Variants in PALM2AKAP2 observed in about 807,000 individuals in gnomAD.
The protein encoded by PALM2AKAP2 is PALM2-AKAP2 fusion protein.
A neutral mutation model predicts 71.5 loss-of-function variants in PALM2AKAP2; 37 were observed. The ratio of observed to expected loss-of-function variants is 0.52; its 90% CI spans 0.40 to 0.68. PALM2AKAP2 has a LOEUF of 0.68. Ranked by LOEUF, PALM2AKAP2 falls within the 30% of genes least tolerant of loss-of-function variation. The probability of loss-of-function intolerance (pLI) is 0.00; values close to 1 mark genes in which losing one functional copy is unlikely to be tolerated. For missense variants in PALM2AKAP2, 1,224 were observed against 1,191.8 expected, an observed-to-expected ratio of 1.03 and a Z score of -0.40; for synonymous variants, 468 against 478.8, an observed-to-expected ratio of 0.98 and a Z score of 0.29.
intron 1 of PALM2AKAP2, among the ~76,000 whole-genome samples, chr9:109,804,596 T>C (rs1410037705): frequency 6.6e-6 from 1 of 152,202 alleles, no homozygotes; most frequent in Non-Finnish European, 1.5e-5. Context: ...TTCCTGCTAG[T>C]CTTCTATTAC....
chr9:109,745,599 T>C (rs1334414534), intron 1 of PALM2AKAP2, among the ~76,000 whole-genome samples: 1 of 152,098 alleles, frequency 6.6e-6, no homozygotes, highest in Non-Finnish European at 1.5e-5. Flanking sequence ...TTATTCAAAA[T>C]GTTATTCAGT....
At chr9:109,724,892 G>A (rs1275496266) in intron 1 of PALM2AKAP2, among the ~76,000 whole-genome samples, 2 of 152,006 alleles carry the variant, frequency 1.3e-5, no homozygotes, top group Non-Finnish European at 2.9e-5. Flanking sequence ...AAATATTTAA[G>A]GCATTGATCC....
chr9:110,165,823 T>A (rs1447116352), intron 3 of PALM2AKAP2, among the ~76,000 whole-genome samples: 1 of 152,196 alleles, frequency 6.6e-6, no homozygotes, highest in African/African-American at 2.4e-5. Context: ...AACTAATAAA[T>A]ATGTGTAAAT....
chr9:109,732,628 A>G (rs1828573647), intron 1 of PALM2AKAP2, among the ~76,000 whole-genome samples: 1 of 152,230 alleles, frequency 6.6e-6, no homozygotes, highest in Non-Finnish European at 1.5e-5. Flanking sequence ...AAAGACCCTG[A>G]TGATACGGTG....
At chr9:109,863,940 C>T (rs915943072) in intron 1 of PALM2AKAP2, among the ~76,000 whole-genome samples, 4 of 151,984 alleles carry the variant, frequency 2.6e-5, no homozygotes, top group African/African-American at 4.8e-5. Context: ...ATTAGCCAAG[C>T]GTGGTGACAC....
intron 1 of PALM2AKAP2, among the ~76,000 whole-genome samples, chr9:109,773,735 G>A (rs1434218276): frequency 6.6e-6 from 1 of 152,196 alleles, no homozygotes; most frequent in Non-Finnish European, 1.5e-5. Context: ...TAGGACCTAG[G>A]ATTGATACTT....
intron 1 of PALM2AKAP2, among the ~76,000 whole-genome samples, chr9:109,796,155 C>T (rs1217365598): frequency 1.3e-5 from 2 of 152,088 alleles, no homozygotes; most frequent in African/African-American, 4.8e-5. Flanking sequence ...CTATGGGTCG[C>T]TTTTCAGAAT....
intron 1 of PALM2AKAP2, 128 bp from the exon 8 acceptor site, chr9:110,135,999 T>C (rs1426838290): frequency 8.4e-7 from 1 of 1,189,924 alleles, no homozygotes; most frequent in East Asian, 2.5e-5. Context: ...TTAGAAAATA[T>C]CTATTCAAAA....
intron 1 of PALM2AKAP2, among the ~76,000 whole-genome samples, chr9:109,834,874 G>C (rs76088016): frequency 6.6e-6 from 1 of 152,146 alleles, no homozygotes; most frequent in East Asian, 1.9e-4. Context: ...GCAGCATCCA[G>C]CTTCTCACCC....
chr9:110,114,348 C>T (rs563650834), intron 1 of PALM2AKAP2, among the ~76,000 whole-genome samples: 1 of 152,302 alleles, frequency 6.6e-6, no homozygotes, highest in South Asian at 2.1e-4. Flanking sequence ...ACACCAGTCA[C>T]TGGATTTGGG....
chr9:109,745,169 C>T (rs1040007083), intron 1 of PALM2AKAP2, among the ~76,000 whole-genome samples: 4 of 152,082 alleles, frequency 2.6e-5, no homozygotes, highest in Admixed American at 6.6e-5. Flanking sequence ...CCATGACCAG[C>T]GATAGGTATG....
intron 1 of PALM2AKAP2, among the ~76,000 whole-genome samples, chr9:110,109,905 A>G (rs1490773573): frequency 6.6e-6 from 1 of 152,210 alleles, no homozygotes; most frequent in African/African-American, 2.4e-5. Context: ...TCCAAAGGAA[A>G]TGAGATCAGT....
chr9:110,138,170 C>T (rs1835939631), exon 2 of PALM2AKAP2: 1 of 1,613,986 alleles, frequency 6.2e-7, no homozygotes, highest in South Asian at 1.1e-5. Flanking sequence ...AAAGATTCTG[C>T]CTGCTGAAGA....
intron 1 of PALM2AKAP2, among the ~76,000 whole-genome samples, chr9:109,793,588 C>A (rs1827173702): frequency 6.6e-6 from 1 of 152,098 alleles, no homozygotes; most frequent in Non-Finnish European, 1.5e-5. Context: ...TTCAGAATCA[C>A]AAGGAGGCAA....
At chr9:109,670,864 T>A (rs1236128157) in intron 1 of PALM2AKAP2, among the ~76,000 whole-genome samples, 2 of 152,224 alleles carry the variant, frequency 1.3e-5, no homozygotes, top group African/African-American at 2.4e-5. Context: ...ACTTCTCTAA[T>A]AATCAGTGAT....
rs1215557407 is a variant in PALM2AKAP2 at position 110,014,770 on chromosome 9, CCT to C, written c.497-1181_497-1180del. Among the ~76,000 whole-genome samples, 6 of 96,136 alleles carry C rather than the reference CCT, an allele frequency of 6.2e-5. No individual in the cohort carries two copies. The East Asian group carries it at 1.6e-3, about 26-fold the overall frequency. 63.1% of individuals were successfully genotyped at this position (96,136 alleles called of 152,430 possible). On this transcript the variant is annotated intron_variant, in intron 6 of 9. Coordinates refer to the PALM2AKAP2 transcript ENST00000302798. ...CCTGGGCGACAGAGCGAGACTCTGT[CCT>C]CTGTCTCAAAAAAAAAAAAAAAAAA... is the stretch of plus-strand genomic sequence containing the variant.
At chr9:109,803,375 T>A (rs1212064132) in intron 1 of PALM2AKAP2, among the ~76,000 whole-genome samples, 1 of 152,202 alleles carries the variant, frequency 6.6e-6, no homozygotes, top group Admixed American at 6.5e-5. Context: ...CAAAATGCTG[T>A]TAACCAGGGT....
chr9:109,944,795 A>G (rs1174645375), intron 6 of PALM2AKAP2: 1 of 152,196 alleles, frequency 6.6e-6, no homozygotes, highest in African/African-American at 2.4e-5. Flanking sequence ...AAAGCCACAT[A>G]TGTAGTAAAA....
chr9:110,035,851 GAT>G (rs1833398335), intron 7 of PALM2AKAP2, among the ~76,000 whole-genome samples: 1 of 139,008 alleles, frequency 7.2e-6, no homozygotes, highest in Non-Finnish European at 1.6e-5. Context: ...TAATATATAT[GAT>G]ATGTTGTGTG....
Sources: allele counts gnomAD v4.1 joint callset (sites outside exome capture counted in the v4.1 genomes callset), GRCh38; gene constraint gnomAD v4.1.1; transcripts MANE v1.5; gene names NCBI Gene and HGNC (gene_info 2026-07-23, HGNC 2026-07-21).